ACOXL: variants seen among roughly 807,000 people sequenced by gnomAD.
ACOXL encodes acyl-CoA oxidase like, also known as acyl-coenzyme A oxidase-like protein.
A neutral mutation model predicts 71.9 loss-of-function variants in ACOXL; 70 were observed. That is an observed-to-expected ratio of 0.97 (90% CI 0.80 to 1.19). The LOEUF (loss-of-function observed/expected upper bound fraction) is 1.19, where lower values mean the gene tolerates loss of function less well. Ranked by LOEUF, ACOXL falls within the 50% of genes most tolerant of loss-of-function variation. The pLI is 0.00. For synonymous variants in ACOXL, 253 were observed against 281.6 expected, an observed-to-expected ratio of 0.90 and a Z score of 1.02; for missense variants, 703 against 736.3, an observed-to-expected ratio of 0.95 and a Z score of 0.52.
intron 15 of ACOXL, 132 bp downstream of exon 15, chr2:111,031,846 C>T: frequency 1.2e-6 from 1 of 851,022 alleles, no homozygotes; most frequent in Non-Finnish European, 1.9e-6. Flanking sequence ...GAATTTAGGG[C>T]CCCAAGTGAC....
chr2:110,766,140 G>A (rs1464617529), intron 1 of ACOXL, among the ~76,000 whole-genome samples: 1 of 151,916 alleles, frequency 6.6e-6, no homozygotes, highest in African/African-American at 2.4e-5. Context: ...ATTAATCTTG[G>A]TGTGGGTATC....
chr2:110,881,198 C>T (rs9308689), intron 10 of ACOXL, among the ~76,000 whole-genome samples: 48,734 of 151,272 alleles, frequency 0.32, 8,105 homozygotes, highest in Middle Eastern at 0.39. Flanking sequence ...ATATCACATA[C>T]ATATCATATA....
At chr2:111,009,580 GAGGAACATCCCAAAA>G (rs1248732749) in intron 14 of ACOXL, among the ~76,000 whole-genome samples, 1 of 151,900 alleles carries the variant, frequency 6.6e-6, no homozygotes, top group South Asian at 2.1e-4. Context: ...GAAAATGAAG[GAGGAACATCCCAAAA>G]AGAAAGAAGC....
At chr2:110,932,688 T>A (rs1242835495) in intron 11 of ACOXL, among the ~76,000 whole-genome samples, 1 of 152,242 alleles carries the variant, frequency 6.6e-6, no homozygotes, top group African/African-American at 2.4e-5. Context: ...ATTTGGAACC[T>A]GATCCTATGT....
intron 9 of ACOXL, among the ~76,000 whole-genome samples, chr2:110,836,892 G>A (rs1690532407): frequency 6.6e-6 from 1 of 152,256 alleles, no homozygotes; most frequent in South Asian, 2.1e-4. Flanking sequence ...AGGGTGCAAG[G>A]CAGGTTGCAG....
At chr2:110,944,905 C>A (rs572423270) in intron 12 of ACOXL, among the ~76,000 whole-genome samples, 1 of 152,146 alleles carries the variant, frequency 6.6e-6, no homozygotes, top group African/African-American at 2.4e-5. Context: ...GTTTTAAGTT[C>A]GTTGATAAAT....
chr2:111,073,151 C>G (rs2067421463), intron 16 of ACOXL, among the ~76,000 whole-genome samples: 2 of 152,146 alleles, frequency 1.3e-5, no homozygotes, highest in South Asian at 4.1e-4. Flanking sequence ...ATTCTAAATA[C>G]AAATTCTCTT....
rs189291533 is a variant in ACOXL at position 110,897,592 on chromosome 2, C to T, written c.789-11197C>T. On this transcript the variant is annotated intron_variant, in intron 10 of 17. Coordinates refer to ENST00000439055, the MANE Select transcript of ACOXL (RefSeq NM_001142807.4). ...GGCCGAGCCCTTATGACCTAAACAC[C>T]TCTCGTTAGGCCTCACCTCCCAACA... Among the ~76,000 whole-genome samples the T allele has an allele frequency of 1.4e-4, 21 of 152,266 alleles. No homozygotes were observed. The East Asian group carries it at 3.7e-3, about 27-fold the overall frequency.
At chr2:111,069,601 A>G (rs1428546817) in intron 16 of ACOXL, among the ~76,000 whole-genome samples, 1 of 152,224 alleles carries the variant, frequency 6.6e-6, no homozygotes, top group East Asian at 1.9e-4. Flanking sequence ...GACACAATTC[A>G]GTCCATAACA....
intron 3 of ACOXL, among the ~76,000 whole-genome samples, chr2:110,790,691 G>C (rs956459550): frequency 1.3e-5 from 2 of 152,140 alleles, no homozygotes; most frequent in Non-Finnish European, 2.9e-5. Flanking sequence ...AGGACGCTGG[G>C]TAGTCTGACA....
intron 14 of ACOXL, among the ~76,000 whole-genome samples, chr2:111,028,851 A>G (rs907541294): frequency 6.6e-6 from 1 of 152,182 alleles, no homozygotes; most frequent in South Asian, 2.1e-4. Flanking sequence ...ACCATGTGTG[A>G]TCATCCATCT....
chr2:111,102,960 G>A (rs1166648533), intron 17 of ACOXL, among the ~76,000 whole-genome samples: 14 of 152,082 alleles, frequency 9.2e-5, no homozygotes, highest in Admixed American at 8.5e-4. Context: ...CTTCTCTGGG[G>A]GACTCAAAGT....
intron 10 of ACOXL, among the ~76,000 whole-genome samples, chr2:110,865,787 AT>A (rs1299970510): frequency 6.6e-6 from 1 of 151,768 alleles, no homozygotes; most frequent in South Asian, 2.1e-4. Flanking sequence ...TTGCATTTTT[AT>A]TTTTGCATGT....
At chr2:110,799,225 G>T in intron 7 of ACOXL, 125 bp downstream of exon 7, 2 of 875,256 alleles carry the variant, frequency 2.3e-6, no homozygotes, top group Non-Finnish European at 3.7e-6. Context: ...CCCCAGAGAA[G>T]ATGTCCAGAT....
chr2:111,044,297 A>G (rs2065915998), intron 15 of ACOXL, among the ~76,000 whole-genome samples: 1 of 152,218 alleles, frequency 6.6e-6, no homozygotes, highest in Admixed American at 6.5e-5. Context: ...TAGAGTGGAC[A>G]CGGCAGTGGT....
chr2:110,964,536 A>G (rs372277990), intron 12 of ACOXL, among the ~76,000 whole-genome samples: 11 of 152,214 alleles, frequency 7.2e-5, no homozygotes, highest in African/African-American at 2.2e-4. Flanking sequence ...CGTTGTGTCA[A>G]CATCATAGAG....
At chr2:110,974,675 C>G (rs867398399) in intron 12 of ACOXL, among the ~76,000 whole-genome samples, 18 of 152,114 alleles carry the variant, frequency 1.2e-4, no homozygotes, top group Admixed American at 5.2e-4. Flanking sequence ...GCTTAAAGAC[C>G]AGGAAGGGGT....
chr2:110,849,507 C>T (rs1448280119), intron 10 of ACOXL, among the ~76,000 whole-genome samples: 3 of 152,232 alleles, frequency 2.0e-5, no homozygotes, highest in Non-Finnish European at 4.4e-5. Context: ...CCTGTAATCC[C>T]AGCACTTTGG....
intron 12 of ACOXL, among the ~76,000 whole-genome samples, chr2:110,963,928 T>C (rs888675899): frequency 6.6e-6 from 1 of 152,196 alleles, no homozygotes. Context: ...AAACCACTTA[T>C]ACATAGTGAG....
Sources: allele counts gnomAD v4.1 joint callset (sites outside exome capture counted in the v4.1 genomes callset), GRCh38; gene constraint gnomAD v4.1.1; transcripts MANE v1.5; gene names NCBI Gene and HGNC (gene_info 2026-07-23, HGNC 2026-07-21).